The following EPHA6 variants were observed in gnomAD, a reference collection of about 807,000 sequenced individuals.
The protein encoded by EPHA6 is ephrin type-A receptor 6.
EPHA6 carries 50 observed loss-of-function variants against 112.0 expected under a neutral mutation model. The ratio of observed to expected loss-of-function variants is 0.45; its 90% CI spans 0.36 to 0.56. The LOEUF (loss-of-function observed/expected upper bound fraction) is 0.56. Among genes scored for constraint, EPHA6 ranks in the 20% least tolerant of loss-of-function variants. EPHA6 has a pLI of 0.00. For missense variants in EPHA6, 1,280 were observed against 1,417.4 expected (o/e 0.90, Z 1.56); for synonymous variants, 529 against 490.7 (o/e 1.08, Z -1.03).
At chr3:96,918,409 A>G (rs1016712122) in intron 2 of EPHA6, among the ~76,000 whole-genome samples, 2 of 152,166 alleles carry the variant, frequency 1.3e-5, no homozygotes, top group Non-Finnish European at 2.9e-5. Flanking sequence ...GAGAAGTTGT[A>G]CTGTTAGTGA....
intron 11 of EPHA6, among the ~76,000 whole-genome samples, chr3:97,569,712 G>A (rs755432235): frequency 1.3e-5 from 2 of 152,064 alleles, no homozygotes; most frequent in Non-Finnish European, 2.9e-5. Context: ...TAATTGAAAG[G>A]GATTCTTATT....
Position 97,751,192 on chromosome 3 carries a change from A to AGTT in EPHA6, c.*2492_*2494dup. ...GTGTACCTTGAAATAAATTCTATTA[A>AGTT]GTTATTTAAATTTCTATGGGATGAG... On this transcript the variant is annotated 3_prime_UTR_variant, in exon 18 of 18. Coordinates refer to ENST00000389672, the MANE Select transcript of EPHA6 (RefSeq NM_001080448.3). Among the ~76,000 whole-genome samples, 1 of 152,272 alleles carries AGTT rather than the reference A, an allele frequency of 6.6e-6. No individual in the cohort carries two copies. The highest frequency in any genetic ancestry group is 2.1e-4 in the South Asian group (1 of 4,822).
chr3:97,149,446 G>A (rs984654837), intron 3 of EPHA6, among the ~76,000 whole-genome samples: 7 of 152,022 alleles, frequency 4.6e-5, no homozygotes, highest in African/African-American at 1.4e-4. Context: ...CTGTCAGTTT[G>A]TCTGTCTCCA....
At chr3:96,953,115 T>C (rs772733035) in intron 2 of EPHA6, among the ~76,000 whole-genome samples, 35 of 152,214 alleles carry the variant, frequency 2.3e-4, no homozygotes, top group Non-Finnish European at 4.6e-4. Flanking sequence ...CCTATGTTTT[T>C]CTCATATATC....
At chr3:97,195,559 G>T (rs1327387151) in intron 3 of EPHA6, among the ~76,000 whole-genome samples, 1 of 151,934 alleles carries the variant, frequency 6.6e-6, no homozygotes, top group Non-Finnish European at 1.5e-5. Context: ...TTCTGTGTTT[G>T]TCTGTGTACT....
chr3:96,970,254 CACACACACACACAA>C (rs1207598377), intron 2 of EPHA6, among the ~76,000 whole-genome samples: 11 of 149,920 alleles, frequency 7.3e-5, no homozygotes, highest in African/African-American at 2.7e-4. Context: ...CACACACACA[CACACACACACACAA>C]ACACACACAC....
chr3:97,084,458 T>A (rs2046830803), intron 3 of EPHA6, among the ~76,000 whole-genome samples: 1 of 151,956 alleles, frequency 6.6e-6, no homozygotes, highest in African/African-American at 2.4e-5. Flanking sequence ...TATAGAGTAC[T>A]TTGCGTTTTG....
chr3:97,650,228 T>C (rs1215507602), intron 14 of EPHA6, among the ~76,000 whole-genome samples: 1 of 152,064 alleles, frequency 6.6e-6, no homozygotes, highest in African/African-American at 2.4e-5. Flanking sequence ...GCTTGGATCA[T>C]AGGCATAGAG....
chr3:97,343,432 G>A (rs1047580171), intron 5 of EPHA6, among the ~76,000 whole-genome samples: 1 of 152,262 alleles, frequency 6.6e-6, no homozygotes, highest in Admixed American at 6.5e-5. Context: ...GGGAAGAAAT[G>A]AATTGAAGAT....
At chr3:97,313,761 A>G (rs1407400603) in intron 5 of EPHA6, among the ~76,000 whole-genome samples, 3 of 151,552 alleles carry the variant, frequency 2.0e-5, no homozygotes, top group African/African-American at 4.8e-5. Flanking sequence ...CGTTCCTTAT[A>G]ATATTTTGAC....
In EPHA6 at chr3:97,750,326, T is replaced by C. The variant is rs2107917093; in HGVS notation, c.*1625T>C. 6.6e-6 allele frequency among the ~76,000 whole-genome samples: 1 copy of C among 151,386 alleles called. No individual in the cohort carries two copies. Among genetic ancestry groups the C allele is most frequent in the South Asian group, 2.1e-4 (1 of 4,696 alleles). ...TTTTTTTTTTAAATAAAGGACCCTG[T>C]TTTTGTTTTTTGTTTTTGTTTTTGT... On this transcript the variant is annotated 3_prime_UTR_variant, in exon 18 of 18. Coordinates refer to ENST00000389672, the MANE Select transcript of EPHA6 (RefSeq NM_001080448.3).
chr3:97,119,008 T>G (rs941773907), intron 3 of EPHA6, among the ~76,000 whole-genome samples: 1 of 151,948 alleles, frequency 6.6e-6, no homozygotes, highest in Non-Finnish European at 1.5e-5. Flanking sequence ...AAAATTTAAG[T>G]CATTTTTGTA....
chr3:96,823,131 TTCCATATGTTGATATAAAATGAC>T (rs2033396350), intron 1 of EPHA6, among the ~76,000 whole-genome samples: 1 of 151,744 alleles, frequency 6.6e-6, no homozygotes, highest in African/African-American at 2.4e-5. Flanking sequence ...AGGCATAGTG[TTCCATATGTTGATATAAAATGAC>T]ACTAATATTG....
intron 3 of EPHA6, among the ~76,000 whole-genome samples, chr3:97,035,480 C>T (rs2045055792): frequency 6.6e-6 from 1 of 151,848 alleles, no homozygotes; most frequent in Non-Finnish European, 1.5e-5. Flanking sequence ...TATTTTGAAA[C>T]AGTGATATGC....
chr3:97,328,160 A>G (rs2082577839), intron 5 of EPHA6, among the ~76,000 whole-genome samples: 1 of 150,962 alleles, frequency 6.6e-6, no homozygotes. Flanking sequence ...ACAGCTATGT[A>G]CATTTATACA....
chr3:97,167,579 A>G (rs1333591730), intron 3 of EPHA6, among the ~76,000 whole-genome samples: 1 of 152,120 alleles, frequency 6.6e-6, no homozygotes, highest in Non-Finnish European at 1.5e-5. Context: ...TTGAAGTTCA[A>G]AACCCTGAGT....
intron 14 of EPHA6, among the ~76,000 whole-genome samples, chr3:97,712,773 G>A (rs1198633548): frequency 9.2e-5 from 14 of 152,158 alleles, no homozygotes; most frequent in Admixed American, 4.6e-4. Flanking sequence ...TGAATAGCAC[G>A]ATAAGCAGTG....
At chr3:97,001,617 T>G (rs2107905423) in intron 3 of EPHA6, among the ~76,000 whole-genome samples, 1 of 152,148 alleles carries the variant, frequency 6.6e-6, no homozygotes, top group Non-Finnish European at 1.5e-5. Flanking sequence ...AATCTGAAAT[T>G]ACTACAAACT....
At chr3:97,172,596 T>A (rs1272451289) in intron 3 of EPHA6, among the ~76,000 whole-genome samples, 1 of 151,876 alleles carries the variant, frequency 6.6e-6, no homozygotes, top group East Asian at 1.9e-4. Flanking sequence ...TGCCAAATAG[T>A]TTTTTTGGGG....
Sources: allele counts gnomAD v4.1 joint callset (sites outside exome capture counted in the v4.1 genomes callset), GRCh38; gene constraint gnomAD v4.1.1; transcripts MANE v1.5; gene names NCBI Gene and HGNC (gene_info 2026-07-23, HGNC 2026-07-21).